BIN2: variants seen among roughly 807,000 people sequenced by gnomAD.
BIN2 encodes the protein breast cancer associated protein BRAP1.
Under a neutral mutation model 67.9 loss-of-function variants are expected in BIN2, and 43 were observed. The observed-to-expected ratio is 0.63, with a 90% CI of 0.50 to 0.82. The LOEUF (loss-of-function observed/expected upper bound fraction) is 0.82, where lower values mean the gene tolerates loss of function less well. BIN2 is among the 40% of genes least tolerant of loss of function. The probability of loss-of-function intolerance (pLI) is 0.00; values close to 1 mark genes in which losing one functional copy is unlikely to be tolerated. For missense variants in BIN2, 581 were observed against 671.6 expected (o/e 0.87, Z 1.49); for synonymous variants, 244 against 246.8 (o/e 0.99, Z 0.11).
chr12:51,319,437 G>GA (rs1565692317), intron 1 of BIN2, among the ~76,000 whole-genome samples: 1 of 152,214 alleles, frequency 6.6e-6, no homozygotes, highest in Admixed American at 6.5e-5. Flanking sequence ...TCTTCCCAAC[G>GA]AAAGACCCTT....
At chr12:51,281,855 A>C (rs1765547742) in intron 12 of BIN2, among the ~76,000 whole-genome samples, 1 of 152,042 alleles carries the variant, frequency 6.6e-6, no homozygotes, top group Non-Finnish European at 1.5e-5. Flanking sequence ...CCAGGGCTCA[A>C]GTATTCTCAC....
At position 51,299,698 on chromosome 12, in the gene BIN2, C is replaced by T. The variant is rs770052008; in HGVS notation, c.425G>A (p.Arg142Gln). Residue 142 changes from arginine to glutamine, a missense_variant, in exon 6 of 13, where the codon CGG becomes CAG. Arg to Gln is a conservative substitution (Grantham distance 43). Transcript: ENST00000615107. ...FSEIKERIAK[R>Q]GRKLVDYDSA... ...GTCATAGTCCACGAGTTTCCGACCC[C>T]GCTTGGCAATTCTCTCCTGACCCAG... 5 of 1,614,058 alleles carry T rather than the reference C, an allele frequency of 3.1e-6. No homozygotes were observed. Among genetic ancestry groups the T allele is most frequent in the African/African-American group, 1.3e-5 (1 of 75,014 alleles).
At chr12:51,284,335 C>T (rs1945187112) in intron 12 of BIN2, among the ~76,000 whole-genome samples, 1 of 152,130 alleles carries the variant, frequency 6.6e-6, no homozygotes, top group Admixed American at 6.6e-5. Context: ...CATACAGCCA[C>T]ACATAATGAC....
In BIN2 at chr12:51,291,712, A is replaced by T. The variant is rs139520851; in HGVS notation, c.1394T>A (p.Val465Asp). 1.2e-6 allele frequency: 2 copies of T among 1,613,372 alleles called. No homozygotes were observed. Among genetic ancestry groups the T allele is most frequent in the Non-Finnish European group, 1.7e-6 (2 of 1,179,722 alleles). ...CTCTGGTGGTTCTGGATTAGGAGAG[A>T]CCTCTAGGGAGGTCCTAGGACTTGC... ...GTASPRTSLE[V>D]SPNPEPPEKP... The change falls in exon 10 of 13, where the codon GTC becomes GAC. Residue 465 changes from valine to aspartate, a missense_variant. By Grantham distance (152) the Val-to-Asp change is radical. Transcript: ENST00000615107.
At chr12:51,306,584 G>A (rs575070442) in intron 2 of BIN2, among the ~76,000 whole-genome samples, 11 of 152,280 alleles carry the variant, frequency 7.2e-5, no homozygotes, top group African/African-American at 2.4e-4. Flanking sequence ...CTGCAATTGC[G>A]CCATTGCACT....
chr12:51,315,208 C>T (rs796287372), intron 1 of BIN2, among the ~76,000 whole-genome samples: 6 of 151,394 alleles, frequency 4.0e-5, no homozygotes, highest in Admixed American at 6.6e-5. Context: ...CTCGCTCTGT[C>T]GCCCAGGCTG....
rs184109497 is a variant in BIN2 at position 51,305,573 on chromosome 12, G to A, written c.163-2432C>T. On this transcript the variant is annotated intron_variant, in intron 2 of 12. Transcript: ENST00000615107. The stretch of plus-strand genomic sequence containing the variant: ...CAGGAGGCAGAGGTTGCAGTGAGCC[G>A]AGATCGCACCACTGTACTCCACCCT... 4.0e-3 allele frequency among the ~76,000 whole-genome samples: 604 copies of A among 150,098 alleles called. 3 individuals carry two copies. The highest frequency in any genetic ancestry group is 0.014 in the African/African-American group (559 of 40,896).
intron 7 of BIN2, among the ~76,000 whole-genome samples, chr12:51,297,880 G>A (rs941477141): frequency 1.3e-5 from 2 of 152,104 alleles, no homozygotes; most frequent in Admixed American, 6.6e-5. Flanking sequence ...TGACTTCTGC[G>A]CCTGTATGTA....
At chr12:51,304,860 CA>C (rs1414937411) in intron 2 of BIN2, among the ~76,000 whole-genome samples, 3 of 150,286 alleles carry the variant, frequency 2.0e-5, no homozygotes, top group African/African-American at 4.9e-5. Context: ...ACTAAAAATA[CA>C]AAAAAATTAG....
chr12:51,287,393 C>T (rs1469768504), intron 11 of BIN2, among the ~76,000 whole-genome samples: 1 of 151,438 alleles, frequency 6.6e-6, no homozygotes, highest in East Asian at 2.0e-4. Context: ...AATGCGATGG[C>T]GAGATCTCGG....
At chr12:51,324,323 GCGCT>G, upstream of BIN2, 7 of 1,344,334 alleles carry the variant, frequency 5.2e-6, no homozygotes, top group Non-Finnish European at 6.8e-6. Flanking sequence ...CCCTCAGGCA[GCGCT>G]CGCTCGAGGC....
intron 1 of BIN2, among the ~76,000 whole-genome samples, chr12:51,317,901 TGG>T (rs1946174540): frequency 6.6e-6 from 1 of 151,728 alleles, no homozygotes. Context: ...GGCAGGAGAA[TGG>T]CATGAACCCG....
At chr12:51,285,940 G>A (rs1945228709) in intron 11 of BIN2, among the ~76,000 whole-genome samples, 1 of 152,118 alleles carries the variant, frequency 6.6e-6, no homozygotes, top group Non-Finnish European at 1.5e-5. Flanking sequence ...CAGTGTGATA[G>A]CCACTTGAAA....
intron 10 of BIN2, 125 bp downstream of exon 10, chr12:51,291,466 T>C: frequency 3.2e-6 from 3 of 936,298 alleles, no homozygotes; most frequent in Non-Finnish European, 4.6e-6. Flanking sequence ...TCACTTGAGC[T>C]TGAGAGGTCG....
chr12:51,286,385 ATAT>A (rs1945237272), intron 11 of BIN2, among the ~76,000 whole-genome samples: 1 of 152,204 alleles, frequency 6.6e-6, no homozygotes, highest in Non-Finnish European at 1.5e-5. Flanking sequence ...GAGTAAGGAA[ATAT>A]TATAAATCTA....
At chr12:51,304,997 G>A (rs939173052) in intron 2 of BIN2, among the ~76,000 whole-genome samples, 1 of 150,102 alleles carries the variant, frequency 6.7e-6, no homozygotes, top group African/African-American at 2.5e-5. Flanking sequence ...CAGGCTGGGC[G>A]ACAGAGCCAG....
chr12:51,307,155 C>A (rs1226913291), intron 2 of BIN2, among the ~76,000 whole-genome samples: 1 of 151,050 alleles, frequency 6.6e-6, no homozygotes. Flanking sequence ...TGGTGGCACA[C>A]GCCTGTAATA....
intron 1 of BIN2, among the ~76,000 whole-genome samples, chr12:51,319,255 A>G (rs1946207286): frequency 6.6e-6 from 1 of 152,210 alleles, no homozygotes; most frequent in Non-Finnish European, 1.5e-5. Context: ...AAAGGCTTGG[A>G]GAGTGTGGGG....
chr12:51,283,716 C>G (rs180980992), intron 12 of BIN2, among the ~76,000 whole-genome samples: 1 of 151,754 alleles, frequency 6.6e-6, no homozygotes, highest in Non-Finnish European at 1.5e-5. Context: ...ATTTTTTGGC[C>G]GGGTGTGGTG....
Sources: gnomAD v4.1 joint callset for allele counts (sites outside exome capture counted in the v4.1 genomes callset) on GRCh38, gnomAD v4.1.1 for gene constraint, MANE v1.5 for transcripts, NCBI Gene and HGNC (gene_info 2026-07-23, HGNC 2026-07-21) for gene names.